GLG1: variants seen among roughly 807,000 people sequenced by gnomAD.
The protein encoded by GLG1 is golgi glycoprotein 1.
A neutral mutation model predicts 160.5 loss-of-function variants in GLG1; 38 were observed. The ratio of observed to expected loss-of-function variants is 0.24; its 90% CI spans 0.18 to 0.31. The LOEUF is 0.31. Among genes scored for constraint, GLG1 ranks in the 10% least tolerant of loss-of-function variants. GLG1 has a pLI of 1.00. For missense variants in GLG1, 1,373 were observed against 1,505.2 expected (o/e 0.91, Z 1.45); for synonymous variants, 644 against 543.4 (o/e 1.19, Z -2.57).
At chr16:74,533,235 C>T (rs1404910448) in intron 1 of GLG1, among the ~76,000 whole-genome samples, 2 of 151,866 alleles carry the variant, frequency 1.3e-5, no homozygotes, top group Admixed American at 1.3e-4. Flanking sequence ...GCAGGAGAAT[C>T]GCATGAACCC....
chr16:74,480,303 G>C lies in GLG1; in HGVS notation c.1765C>G (p.Gln589Glu). 6.2e-7 allele frequency: 1 copy of C among 1,613,196 alleles called. No individual in the cohort carries two copies. The change falls in exon 11 of 26, where the codon CAG (glutamine) becomes GAG (glutamate). Residue 589 changes from glutamine to glutamate, a missense_variant. Physicochemically the swap from Gln to Glu is conservative, Grantham distance 29. This residue lies in a region of GLG1 where 386 missense variants were observed against 388.5 expected (regional missense o/e 0.99). Transcript: ENST00000422840. ...GWNETSEFMP[Q>E]GAVFSCLYRH... is the part of the protein sequence containing the mutation. ...TATAAACAAGAGAACACAGCTCCCT[G>C]AGGCATAAATTCACTGGTCTCATTC...
At chr16:74,471,320 G>T in intron 14 of GLG1, 34 bp from the exon 15 acceptor site, 1 of 1,175,024 alleles carries the variant, frequency 8.5e-7, no homozygotes, top group Non-Finnish European at 1.3e-6. Flanking sequence ...CACTTCATTG[G>T]TAACAATTAA....
intron 19 of GLG1, 64 bp downstream of exon 19, chr16:74,465,612 C>T: frequency 6.5e-7 from 1 of 1,538,094 alleles, no homozygotes; most frequent in Non-Finnish European, 8.9e-7. Context: ...GAAGTTGCTG[C>T]CATTGTTTGT....
intron 1 of GLG1, among the ~76,000 whole-genome samples, chr16:74,543,905 G>A (rs550567546): frequency 1.4e-4 from 22 of 152,264 alleles, no homozygotes; most frequent in Non-Finnish European, 2.9e-4. Context: ...GAATAGGGGG[G>A]AGATGGGATA....
intron 12 of GLG1, among the ~76,000 whole-genome samples, chr16:74,475,664 G>C (rs191006166): frequency 3.3e-5 from 5 of 152,178 alleles, no homozygotes; most frequent in African/African-American, 9.7e-5. Flanking sequence ...CTTTCACAAA[G>C]CATATCAACA....
At chr16:74,472,311 T>G (rs111466326) in intron 14 of GLG1, 38 bp downstream of exon 14, 15 of 1,442,480 alleles carry the variant, frequency 1.0e-5, no homozygotes, top group African/African-American at 9.8e-5. Flanking sequence ...GTCAATTTGT[T>G]TCTGTTTTTA....
At chr16:74,536,905 G>C (rs1189833652) in intron 1 of GLG1, among the ~76,000 whole-genome samples, 1 of 152,122 alleles carries the variant, frequency 6.6e-6, no homozygotes, top group Non-Finnish European at 1.5e-5. Context: ...AGCCTGTGGA[G>C]GCATCAAATT....
intron 15 of GLG1, 86 bp downstream of exon 15, chr16:74,471,087 A>T (rs35209570): frequency 0.12 from 99,350 of 803,086 alleles, 6,822 homozygotes; most frequent in East Asian, 0.17. Context: ...AGAACATCAG[A>T]GGTGCTCTGA....
Position 74,452,126 on chromosome 16 carries a change from T to G in GLG1, c.*1041A>C, listed in dbSNP as rs1271235612. 1 of 1,613,968 alleles carries G rather than the reference T, an allele frequency of 6.2e-7. No homozygotes were observed. The highest frequency in any genetic ancestry group is 8.5e-7 in the Non-Finnish European group (1 of 1,179,888). ...ATAAGCCATTGTCTCTGACCTGTAT[T>G]GTAGCCTGAAAAATAAAGCAAAGTG... On this transcript the variant is annotated 3_prime_UTR_variant, in exon 26 of 26. Transcript: ENST00000422840.
chr16:74,591,329 T>TA, intron 1 of GLG1, among the ~76,000 whole-genome samples: 1 of 132,778 alleles, frequency 7.5e-6, no homozygotes, highest in Non-Finnish European at 1.6e-5. Context: ...AGACTCCATC[T>TA]CAAAAAAAAA....
chr16:74,503,864 G>GA, intron 3 of GLG1, 118 bp from the exon 4 acceptor site: 3 of 660,496 alleles, frequency 4.5e-6, no homozygotes, highest in South Asian at 1.9e-5. Flanking sequence ...TTACTTGGAA[G>GA]AAAAAAAGAA....
At chr16:74,459,984 T>G (rs746201108) in intron 22 of GLG1, among the ~76,000 whole-genome samples, 195 bp from the exon 23 acceptor site, 4 of 151,624 alleles carry the variant, frequency 2.6e-5, no homozygotes, top group Admixed American at 1.3e-4. Context: ...GCCTCTTGAG[T>G]AGCTGGGACT....
chr16:74,556,079 T>A (rs2018344951), intron 1 of GLG1, among the ~76,000 whole-genome samples: 1 of 152,330 alleles, frequency 6.6e-6, no homozygotes, highest in East Asian at 1.9e-4. Flanking sequence ...GCTCAAGCAA[T>A]GCTCCCACCT....
rs151262792 is a variant in GLG1, at chr16:74,482,708, G to A, written c.1673+315C>T. On this transcript the variant is annotated intron_variant, in intron 10 of 25. Transcript: ENST00000422840. Reference sequence around the variant, plus strand: ...TATCTTCTTAGAGACATATCTGAAGGCGCTTTTGCCACCCCCACAGGTGCC... The same window carrying A: ...TATCTTCTTAGAGACATATCTGAAGACGCTTTTGCCACCCCCACAGGTGCC... 1.8e-3 allele frequency among the ~76,000 whole-genome samples: 267 copies of A among 152,180 alleles called. 6 individuals carry two copies. In the East Asian group the frequency reaches 0.047, roughly 27 times the overall value.
intron 3 of GLG1, among the ~76,000 whole-genome samples, chr16:74,505,461 C>T (rs549743677): frequency 6.6e-6 from 1 of 152,176 alleles, no homozygotes; most frequent in Non-Finnish European, 1.5e-5. Flanking sequence ...GGCTCATGTC[C>T]GTAATCCCAT....
At chr16:74,589,381 C>A (rs1045061033) in intron 1 of GLG1, among the ~76,000 whole-genome samples, 1 of 152,026 alleles carries the variant, frequency 6.6e-6, no homozygotes, top group African/African-American at 2.4e-5. Context: ...GAAAACAATG[C>A]CTAAAGCAGA....
intron 8 of GLG1, among the ~76,000 whole-genome samples, chr16:74,487,139 C>A (rs1245038180): frequency 6.6e-6 from 1 of 152,164 alleles, no homozygotes; most frequent in Admixed American, 6.5e-5. Flanking sequence ...GTCTTGAACT[C>A]AAGTGATCCG....
intron 2 of GLG1, among the ~76,000 whole-genome samples, chr16:74,516,575 C>T (rs60179994): frequency 0.022 from 3,303 of 152,192 alleles, 56 homozygotes; most frequent in Non-Finnish European, 0.025. Context: ...GGGAAATTTA[C>T]AGCACTAAAT....
intron 4 of GLG1, among the ~76,000 whole-genome samples, chr16:74,502,528 A>G (rs1365525741): frequency 6.6e-6 from 1 of 151,884 alleles, no homozygotes; most frequent in Non-Finnish European, 1.5e-5. Context: ...GACAGCAGCC[A>G]GTGTGCTAAG....
Sources: gnomAD v4.1 joint callset for allele counts (sites outside exome capture counted in the v4.1 genomes callset) on GRCh38, gnomAD v4.1.1 for gene constraint, gnomAD v4.1.1 regional missense constraint, MANE v1.5 for transcripts, NCBI Gene and HGNC (gene_info 2026-07-23, HGNC 2026-07-21) for gene names.